The following ACER3 variants were observed in gnomAD, a reference collection of about 807,000 sequenced individuals.
ACER3 encodes alkCDase 3.
ACER3 carries 16 observed loss-of-function variants against 48.9 expected under a neutral mutation model. The ratio of observed to expected loss-of-function variants is 0.33; its 90% CI spans 0.22 to 0.50. The LOEUF (loss-of-function observed/expected upper bound fraction) is 0.50, where lower values mean the gene tolerates loss of function less well. Ranked by LOEUF, ACER3 falls within the 20% of genes least tolerant of loss-of-function variation. The pLI, the probability that ACER3 is intolerant of heterozygous loss-of-function variation, is 0.98. For missense variants in ACER3, 227 were observed against 326.0 expected (o/e 0.70, Z 2.34); for synonymous variants, 109 against 107.8 (o/e 1.01, Z -0.07).
At chr11:77,005,541 C>T (rs1478687211) in intron 7 of ACER3, among the ~76,000 whole-genome samples, 1 of 152,020 alleles carries the variant, frequency 6.6e-6, no homozygotes, top group East Asian at 1.9e-4. Flanking sequence ...CTAGAAGTCC[C>T]AGATGAAAAT....
intron 2 of ACER3, among the ~76,000 whole-genome samples, chr11:76,957,962 T>C (rs1380897797): frequency 6.6e-6 from 1 of 151,528 alleles, no homozygotes; most frequent in African/African-American, 2.4e-5. Context: ...TTTATTATTA[T>C]TATCTTATGT....
chr11:76,909,262 A>G (rs1232747945), intron 1 of ACER3, among the ~76,000 whole-genome samples: 1 of 152,224 alleles, frequency 6.6e-6, no homozygotes, highest in Non-Finnish European at 1.5e-5. Context: ...AAAAGCCAAA[A>G]TTGACAAATG....
chr11:76,991,784 C>G (rs1948807801), intron 6 of ACER3, among the ~76,000 whole-genome samples: 1 of 129,544 alleles, frequency 7.7e-6, no homozygotes. Flanking sequence ...CCACTGCACT[C>G]TAGCCTGGGT....
intron 5 of ACER3, among the ~76,000 whole-genome samples, chr11:76,987,893 T>C (rs1433192486): frequency 1.3e-5 from 2 of 152,230 alleles, no homozygotes; most frequent in Non-Finnish European, 2.9e-5. Flanking sequence ...TGAGCCATGA[T>C]TGTGCCACTG....
intron 1 of ACER3, among the ~76,000 whole-genome samples, chr11:76,864,461 A>T (rs561415887): frequency 2.2e-4 from 34 of 152,222 alleles, no homozygotes; most frequent in Non-Finnish European, 4.3e-4. Context: ...GAAAAAAGTA[A>T]GCATATTTAT....
At chr11:76,893,080 A>G (rs1945847855) in intron 1 of ACER3, among the ~76,000 whole-genome samples, 1 of 152,250 alleles carries the variant, frequency 6.6e-6, no homozygotes. Context: ...AAAATTACAT[A>G]GGAATAAATT....
rs547509832 is a variant in ACER3, at chr11:76,963,464, G to T, written c.267+4433G>T. On this transcript the variant is annotated intron_variant, in intron 3 of 10. Coordinates refer to ENST00000532485, the MANE Select transcript of ACER3 (RefSeq NM_018367.7). ...TTAATTTTCTTGAGACCACAAGCTCGGATAACACATTAGACAACGAGACCA... is the reference window on the plus strand; with the variant it reads ...TTAATTTTCTTGAGACCACAAGCTCTGATAACACATTAGACAACGAGACCA... Among the ~76,000 whole-genome samples the T allele has an allele frequency of 2.9e-5, 3 of 104,596 alleles. No homozygotes were observed. The East Asian group carries it at 8.5e-4, about 30-fold the overall frequency. The allele number at this position is 104,596 out of a possible 152,430, so 68.6% of individuals were successfully genotyped here. A position where few individuals can be genotyped will look rare whatever the true frequency, so the allele number is the denominator to read the frequency against.
At chr11:76,892,273 C>T (rs1945825810) in intron 1 of ACER3, among the ~76,000 whole-genome samples, 1 of 152,130 alleles carries the variant, frequency 6.6e-6, no homozygotes, top group Non-Finnish European at 1.5e-5. Flanking sequence ...CTCAATAGGT[C>T]TTGGTTCCCT....
At chr11:76,910,186 T>G (rs1282441686) in intron 1 of ACER3, among the ~76,000 whole-genome samples, 1 of 152,064 alleles carries the variant, frequency 6.6e-6, no homozygotes, top group Admixed American at 6.5e-5. Flanking sequence ...GACCGGTTGA[T>G]AGGTGCAGCA....
rs1463165557 is a variant in ACER3, at chr11:77,020,810, A to C, written c.*483A>C. The C allele has an allele frequency of 6.4e-6, 1 of 155,940 alleles. No homozygotes were observed. The allele number at this position is 155,940 out of a possible 1,614,324, so 9.7% of individuals were successfully genotyped here. A position where few individuals can be genotyped will look rare whatever the true frequency, so the allele number is the denominator to read the frequency against. ...GTCAGATTTGATTAATATTGTATTA[A>C]TCTCATGGATGGTTCTCAAAGGTAA... On this transcript the variant is annotated 3_prime_UTR_variant, in exon 11 of 11. Transcript: ENST00000532485.
intron 3 of ACER3, among the ~76,000 whole-genome samples, chr11:76,974,165 G>A (rs1948378612): frequency 6.6e-6 from 1 of 152,144 alleles, no homozygotes; most frequent in Admixed American, 6.5e-5. Flanking sequence ...AGTATTCCAA[G>A]TTTGTTGTTC....
At chr11:76,901,623 T>C (rs1946084778) in intron 1 of ACER3, among the ~76,000 whole-genome samples, 1 of 152,080 alleles carries the variant, frequency 6.6e-6, no homozygotes, top group Admixed American at 6.6e-5. Context: ...GCTCCCCGAG[T>C]GAGCAATTCC....
intron 1 of ACER3, among the ~76,000 whole-genome samples, chr11:76,918,983 C>T (rs1237051438): frequency 5.8e-5 from 2 of 34,318 alleles, no homozygotes; most frequent in Non-Finnish European, 4.2e-4. Flanking sequence ...GCAAAATGAA[C>T]TTGCATTGGG....
chr11:76,961,571 A>G (rs867375927), intron 3 of ACER3, among the ~76,000 whole-genome samples: 3 of 151,492 alleles, frequency 2.0e-5, no homozygotes, highest in Admixed American at 6.6e-5. Context: ...AAAGGACAAT[A>G]TCAGCCTAGA....
At chr11:76,972,824 A>G (rs1288377882) in intron 3 of ACER3, among the ~76,000 whole-genome samples, 1 of 152,098 alleles carries the variant, frequency 6.6e-6, no homozygotes, top group Non-Finnish European at 1.5e-5. Context: ...GTTGGGGGGA[A>G]CCCCTGTATT....
chr11:76,931,345 G>C (rs1323345098), intron 2 of ACER3, among the ~76,000 whole-genome samples: 7 of 141,624 alleles, frequency 4.9e-5, no homozygotes, highest in African/African-American at 1.9e-4. Context: ...CCTTTATTTT[G>C]AGCCTATGTG....
chr11:76,976,144 C>T (rs1460974208), intron 3 of ACER3, 145 bp from the exon 4 acceptor site: 2 of 643,000 alleles, frequency 3.1e-6, no homozygotes, highest in Admixed American at 3.2e-5. Flanking sequence ...ACCTTGGCCT[C>T]CCAGAGTGCT....
chr11:77,005,256 C>T (rs1023531403), intron 7 of ACER3, among the ~76,000 whole-genome samples: 1 of 152,012 alleles, frequency 6.6e-6, no homozygotes, highest in Non-Finnish European at 1.5e-5. Context: ...AGGATGGTCT[C>T]GATCTCCTGA....
At chr11:76,921,139 C>G (rs1946676218) in intron 1 of ACER3, among the ~76,000 whole-genome samples, 1 of 151,884 alleles carries the variant, frequency 6.6e-6, no homozygotes. Context: ...ACAGTCTTAC[C>G]TGATTTATCA....
Sources: allele counts gnomAD v4.1 joint callset (sites outside exome capture counted in the v4.1 genomes callset), GRCh38; gene constraint gnomAD v4.1.1; transcripts MANE v1.5; gene names NCBI Gene and HGNC (gene_info 2026-07-23, HGNC 2026-07-21).